Variants in ADD3 observed in about 807,000 individuals in gnomAD.
ADD3 encodes the protein adducin 3.
ADD3 carries 25 observed loss-of-function variants against 80.2 expected under a neutral mutation model. The ratio of observed to expected loss-of-function variants is 0.31; its 90% CI spans 0.23 to 0.44. The LOEUF is 0.44. ADD3 is among the 20% of genes least tolerant of loss of function. The pLI is 1.00. For missense variants in ADD3, 829 were observed against 847.5 expected (o/e 0.98, Z 0.27); for synonymous variants, 284 against 289.6 (o/e 0.98, Z 0.20).
intron 8 of ADD3, 160 bp from the exon 9 acceptor site, chr10:110,121,950 G>A (rs901433281): frequency 1.9e-4 from 99 of 522,488 alleles, no homozygotes; most frequent in Non-Finnish European, 2.9e-4. Flanking sequence ...AGATACTTCA[G>A]CTGTCTGCTG....
At chr10:110,055,960 C>T (rs1484634694) in intron 1 of ADD3, among the ~76,000 whole-genome samples, 4 of 152,140 alleles carry the variant, frequency 2.6e-5, no homozygotes, top group African/African-American at 7.2e-5. Context: ...AACATAAATC[C>T]ATGCTAACGA....
intron 1 of ADD3, among the ~76,000 whole-genome samples, chr10:110,052,174 A>C (rs1857589176): frequency 6.6e-6 from 1 of 152,206 alleles, no homozygotes; most frequent in African/African-American, 2.4e-5. Flanking sequence ...AAAATGTACC[A>C]ATAATTTTCT....
chr10:110,105,305 A>G (rs1028220794), intron 2 of ADD3, among the ~76,000 whole-genome samples: 2 of 152,128 alleles, frequency 1.3e-5, no homozygotes, highest in Admixed American at 6.6e-5. Flanking sequence ...CTAAGTTCTA[A>G]TTTACCCCCT....
chr10:110,029,589 A>T (rs7074812), intron 1 of ADD3, among the ~76,000 whole-genome samples: 18,961 of 152,228 alleles, frequency 0.12, 3,775 homozygotes, highest in African/African-American at 0.42. Flanking sequence ...TGATTAGATA[A>T]GGGCTTTCCA....
Position 110,118,734 on chromosome 10 carries a change from G to A in ADD3, c.715G>A (p.Ala239Thr). Residue 239 changes from alanine to threonine, a missense_variant and splice_region_variant, in exon 6 of 15, where the codon GCT becomes ACT. Ala to Thr is a moderately conservative substitution (Grantham distance 58). Transcript: ENST00000356080. ...VIHIHTLATAAVSSMKCGILP... is the reference protein window; with the variant it reads ...VIHIHTLATATVSSMKCGILP... ...ACACATCCATACCCTTGCAACAGCA[G>A]CTGTAAGTCAATGAAAGTCCAAAAC... The A allele has an allele frequency of 6.2e-7, 1 of 1,613,602 alleles. No individual in the cohort carries two copies. The highest frequency in any genetic ancestry group is 8.5e-7 in the Non-Finnish European group (1 of 1,179,658).
intron 12 of ADD3, among the ~76,000 whole-genome samples, chr10:110,128,188 C>T (rs1852436259): frequency 6.6e-6 from 1 of 150,806 alleles, no homozygotes; most frequent in African/African-American, 2.4e-5. Flanking sequence ...GAGTCATATC[C>T]TTCAGTTCTG....
intron 4 of ADD3, 114 bp from the exon 5 acceptor site, chr10:110,117,228 G>T: frequency 1.7e-6 from 1 of 583,590 alleles, no homozygotes. Flanking sequence ...TTGCTTTGTT[G>T]GTTTTTTTTT....
intron 1 of ADD3, among the ~76,000 whole-genome samples, chr10:110,023,548 G>A (rs1343294794): frequency 6.6e-6 from 1 of 152,120 alleles, no homozygotes; most frequent in Non-Finnish European, 1.5e-5. Flanking sequence ...AGTCACTGAG[G>A]GTCGAAATCT....
At chr10:110,129,627 A>G (rs1464857655) in intron 12 of ADD3, among the ~76,000 whole-genome samples, 5 of 152,082 alleles carry the variant, frequency 3.3e-5, no homozygotes, top group African/African-American at 1.2e-4. Context: ...CCTCTAGTTT[A>G]TGGGCCTTAC....
At chr10:110,108,296 C>T (rs1196702146) in intron 2 of ADD3, among the ~76,000 whole-genome samples, 2 of 152,272 alleles carry the variant, frequency 1.3e-5, no homozygotes, top group East Asian at 3.9e-4. Context: ...AAGAGGTTTA[C>T]TCAACATTTC....
chr10:109,997,458 G>A (rs1292990679), intron 1 of ADD3: 1 of 152,194 alleles, frequency 6.6e-6, no homozygotes, highest in Non-Finnish European at 1.5e-5. Context: ...CCTGTAAATA[G>A]GGATACTTTG....
rs185000819 is a variant in ADD3, at chr10:110,000,731, G to A, written n.79+4285G>A. On this transcript the variant is annotated intron_variant and non_coding_transcript_variant, in intron 1 of 5. Coordinates refer to the ADD3 transcript ENST00000468251. ...AAGCCTGGATTTGATCCCTAGCAGTGTTAATTCTATGCTTTGATATCCTGG... is the reference window on the plus strand; with the variant it reads ...AAGCCTGGATTTGATCCCTAGCAGTATTAATTCTATGCTTTGATATCCTGG... Among the ~76,000 whole-genome samples, 696 of 152,302 alleles carry A rather than the reference G, an allele frequency of 4.6e-3. 11 individuals carry two copies. The highest frequency in any genetic ancestry group is 0.015 in the African/African-American group (642 of 41,560).
chr10:110,134,741 A>T lies in ADD3; in HGVS notation c.*1123A>T, dbSNP rs1438060243. ...GTTGGAAACATGTCCCAAATTTCTA[A>T]AATTCTGCTTCTCTGCCAAAAGCAA... On this transcript the variant is annotated 3_prime_UTR_variant, in exon 15 of 15. Coordinates refer to ENST00000356080, the MANE Select transcript of ADD3 (RefSeq NM_016824.5). 1 of 152,620 alleles carries T rather than the reference A, an allele frequency of 6.6e-6. No homozygotes were observed. Among genetic ancestry groups the T allele is most frequent in the African/African-American group, 2.4e-5 (1 of 41,438 alleles). 9.5% of individuals were successfully genotyped at this position (152,620 alleles called of 1,614,324 possible).
In ADD3 at chr10:110,130,517, A is replaced by G. The variant is rs551055966; in HGVS notation, c.1732+31A>G. 4 of 1,607,784 alleles carry G rather than the reference A, an allele frequency of 2.5e-6. No homozygotes were observed. In the South Asian group the frequency reaches 4.4e-5, roughly 18 times the overall value. ...TTAATCTTTACATTCAACCTAGGGT[A>G]AGCCACACTGATAACAATAAAGTAC... On this transcript the variant is annotated intron_variant, in intron 13 of 14. Transcript: ENST00000356080.
intron 1 of ADD3, among the ~76,000 whole-genome samples, chr10:110,052,289 T>C (rs1341210802): frequency 2.6e-5 from 4 of 152,184 alleles, no homozygotes; most frequent in Non-Finnish European, 5.9e-5. Context: ...TCATAAGATA[T>C]CTGCTTCAGC....
chr10:110,026,065 C>T (rs190766127), intron 1 of ADD3, among the ~76,000 whole-genome samples: 8 of 152,150 alleles, frequency 5.3e-5, no homozygotes, highest in African/African-American at 1.2e-4. Flanking sequence ...GTGTGCTCAC[C>T]ACTGAAGCAA....
chr10:110,105,305 ATTTAC>A (rs1365280425), intron 2 of ADD3, among the ~76,000 whole-genome samples: 1 of 152,128 alleles, frequency 6.6e-6, no homozygotes, highest in Non-Finnish European at 1.5e-5. Flanking sequence ...CTAAGTTCTA[ATTTAC>A]CCCCTTTTCT....
At chr10:110,100,349 C>CAA (rs750807063) in intron 1 of ADD3, among the ~76,000 whole-genome samples, 2,359 of 74,630 alleles carry the variant, frequency 0.032, 70 homozygotes, top group Non-Finnish European at 0.038. Flanking sequence ...GACTCCATCT[C>CAA]AAAAAAAAAA....
intron 1 of ADD3, among the ~76,000 whole-genome samples, chr10:110,040,962 CTG>C (rs1396964757): frequency 1.8e-4 from 3 of 16,810 alleles, no homozygotes; most frequent in African/African-American, 2.3e-4. Context: ...CTGTCTCTCT[CTG>C]TCTCTCTCTC....
Sources: allele counts gnomAD v4.1 joint callset (sites outside exome capture counted in the v4.1 genomes callset), GRCh38; gene constraint gnomAD v4.1.1; transcripts MANE v1.5; gene names NCBI Gene and HGNC (gene_info 2026-07-23, HGNC 2026-07-21).